The following CDH11 variants were observed in gnomAD, a reference collection of about 807,000 sequenced individuals.
CDH11 encodes the protein cadherin 11.
CDH11 carries 11 observed loss-of-function variants against 67.8 expected under a neutral mutation model. That is an observed-to-expected ratio of 0.16 (90% CI 0.10 to 0.27). CDH11 has a LOEUF of 0.27. Among genes scored for constraint, CDH11 ranks in the 10% least tolerant of loss-of-function variants. The pLI is 1.00. For missense variants in CDH11, 847 were observed against 1,031.2 expected (o/e 0.82, Z 2.45); for synonymous variants, 419 against 400.0 (o/e 1.05, Z -0.57).
At position 65,081,485 on chromosome 16, in the gene CDH11, C is replaced by T. The variant is rs530002904; in HGVS notation, c.-297-27557G>A. ...GCGGGAGGCTGAGGCAGGAGAATGG[C>T]GTGAACCCGGGAGGCGGAGCTTGCA... On this transcript the variant is annotated intron_variant, in intron 1 of 12. Coordinates refer to ENST00000268603, the MANE Select transcript of CDH11 (RefSeq NM_001797.4). Among the ~76,000 whole-genome samples the T allele has an allele frequency of 3.3e-5, 5 of 151,326 alleles. 1 individual carries two copies. Among genetic ancestry groups the T allele is most frequent in the South Asian group, 4.2e-4 (2 of 4,764 alleles).
chr16:65,050,804 A>C (rs1279485433), intron 2 of CDH11, among the ~76,000 whole-genome samples: 2 of 152,184 alleles, frequency 1.3e-5, no homozygotes, highest in Admixed American at 6.5e-5. Flanking sequence ...GTTAAAAAAA[A>C]AAAAACTACC....
At chr16:64,986,112 T>C (rs1248233548) in intron 7 of CDH11, 1 of 152,196 alleles carries the variant, frequency 6.6e-6, no homozygotes, top group East Asian at 1.9e-4. Flanking sequence ...CTATAGACTT[T>C]TACAGTATTA....
At chr16:65,035,203 G>C (rs1323952550) in intron 2 of CDH11, among the ~76,000 whole-genome samples, 1 of 152,226 alleles carries the variant, frequency 6.6e-6, no homozygotes, top group East Asian at 1.9e-4. Flanking sequence ...CCACACTGAG[G>C]TGGCTTCCTA....
chr16:64,981,229 C>T (rs1035493352), intron 8 of CDH11: 3 of 151,664 alleles, frequency 2.0e-5, no homozygotes, highest in Non-Finnish European at 4.4e-5. Context: ...CCTCAGCCTC[C>T]TGAGGAGCTG....
At chr16:65,033,124 G>A (rs2073678130) in intron 2 of CDH11, among the ~76,000 whole-genome samples, 1 of 152,132 alleles carries the variant, frequency 6.6e-6, no homozygotes. Context: ...ATTAAACAGA[G>A]CACAGGGTAA....
chr16:65,078,950 T>C (rs1322044766), intron 1 of CDH11, among the ~76,000 whole-genome samples: 1 of 152,136 alleles, frequency 6.6e-6, no homozygotes, highest in Non-Finnish European at 1.5e-5. Flanking sequence ...TAAACACCAA[T>C]TTGGATGTGA....
At chr16:64,973,320 A>G (rs1319776579) in intron 8 of CDH11, among the ~76,000 whole-genome samples, 1 of 152,208 alleles carries the variant, frequency 6.6e-6, no homozygotes, top group Non-Finnish European at 1.5e-5. Context: ...CATATTTACT[A>G]CAATCACCCA....
chr16:64,952,155 T>C (rs1192815197), intron 11 of CDH11, among the ~76,000 whole-genome samples: 1 of 152,204 alleles, frequency 6.6e-6, no homozygotes, highest in Non-Finnish European at 1.5e-5. Context: ...CCTTTTATCA[T>C]AACAGTTGTA....
At chr16:65,077,938 T>G (rs145432040) in intron 1 of CDH11, among the ~76,000 whole-genome samples, 10 of 152,336 alleles carry the variant, frequency 6.6e-5, no homozygotes, top group South Asian at 2.1e-4. Context: ...AACACCAGAA[T>G]TGACTTCATT....
upstream of CDH11, chr16:65,122,450 AT>A: frequency 5.9e-6 from 1 of 168,328 alleles, no homozygotes; most frequent in Non-Finnish European, 1.3e-5. Context: ...GGGAGCCCCC[AT>A]TTTCCTCCTT....
chr16:65,022,187 C>T (rs1298250969), intron 2 of CDH11, among the ~76,000 whole-genome samples: 2 of 151,792 alleles, frequency 1.3e-5, no homozygotes, highest in African/African-American at 4.8e-5. Context: ...TAAAAGGAAA[C>T]ATATTTTAGA....
Position 64,971,843 on chromosome 16 carries a change from T to G in CDH11, c.1524+88A>C. On this transcript the variant is annotated intron_variant, in intron 10 of 12. Coordinates refer to ENST00000268603, the MANE Select transcript of CDH11 (RefSeq NM_001797.4). Reference sequence around the variant, plus strand: ...ATGGCTCTGAAACCTTTTTGGGCAGTGGTTGGTATCTCCAAGTGATGGTTT... The same window carrying G: ...ATGGCTCTGAAACCTTTTTGGGCAGGGGTTGGTATCTCCAAGTGATGGTTT... 5 of 1,477,638 alleles carry G rather than the reference T, an allele frequency of 3.4e-6. 1 individual carries two copies. The East Asian group carries it at 9.1e-5, about 27-fold the overall frequency. 91.5% of individuals were successfully genotyped at this position (1,477,638 alleles called of 1,614,324 possible). A position where few individuals can be genotyped will look rare whatever the true frequency, so the allele number is the denominator to read the frequency against.
At chr16:65,009,497 A>C (rs970924366) in intron 2 of CDH11, among the ~76,000 whole-genome samples, 5 of 152,108 alleles carry the variant, frequency 3.3e-5, no homozygotes, top group Non-Finnish European at 7.4e-5. Flanking sequence ...GTTTTATGAA[A>C]TATTTCTAGA....
intron 1 of CDH11, among the ~76,000 whole-genome samples, chr16:65,076,499 C>T (rs1488600708): frequency 6.6e-6 from 1 of 152,140 alleles, no homozygotes; most frequent in Non-Finnish European, 1.5e-5. Flanking sequence ...CAAGTGTGGG[C>T]TCCCTTTGAT....
intron 1 of CDH11, among the ~76,000 whole-genome samples, chr16:65,101,425 T>C (rs905567233): frequency 7.2e-5 from 11 of 152,202 alleles, no homozygotes; most frequent in African/African-American, 2.7e-4. Flanking sequence ...CCCAGGACAA[T>C]TGTGGGGATT....
At chr16:64,979,293 A>G (rs567241662) in intron 8 of CDH11, among the ~76,000 whole-genome samples, 20 of 152,194 alleles carry the variant, frequency 1.3e-4, no homozygotes, top group African/African-American at 4.6e-4. Flanking sequence ...CTATTTTTTT[A>G]AAAAATAGCT....
chr16:64,975,919 G>A (rs2072155335), intron 8 of CDH11, among the ~76,000 whole-genome samples: 1 of 152,072 alleles, frequency 6.6e-6, no homozygotes, highest in African/African-American at 2.4e-5. Context: ...AGGAAGGAAA[G>A]GTTGACATTT....
intron 10 of CDH11, 29 bp from the exon 11 acceptor site, chr16:64,971,725 A>G: frequency 2.0e-6 from 3 of 1,524,642 alleles, no homozygotes; most frequent in Non-Finnish European, 2.7e-6. Context: ...CCATAAATAA[A>G]TCATGCTGAC....
chr16:65,015,045 AT>A (rs2073272393), intron 2 of CDH11, among the ~76,000 whole-genome samples: 1 of 147,740 alleles, frequency 6.8e-6, no homozygotes, highest in Non-Finnish European at 1.5e-5. Flanking sequence ...TATTATTATT[AT>A]TATTATTGAG....
Sources: gnomAD v4.1 joint callset for allele counts (sites outside exome capture counted in the v4.1 genomes callset) on GRCh38, gnomAD v4.1.1 for gene constraint, MANE v1.5 for transcripts, NCBI Gene and HGNC (gene_info 2026-07-23, HGNC 2026-07-21) for gene names.